Variants in LIFR observed in about 807,000 individuals in gnomAD.
LIFR encodes the protein leukemia inhibitory factor receptor.
In LIFR, 84 loss-of-function variants were observed where a neutral mutation model predicts 122.2. That is an observed-to-expected ratio of 0.69 (90% CI 0.58 to 0.82). The LOEUF is 0.82. Among genes scored for constraint, LIFR ranks in the 40% least tolerant of loss-of-function variants. The pLI is 0.00. For missense variants in LIFR, 1,294 were observed against 1,311.6 expected (o/e 0.99, Z 0.21); for synonymous variants, 422 against 434.7 (o/e 0.97, Z 0.36).
intron 13 of LIFR, among the ~76,000 whole-genome samples, chr5:38,494,208 G>A (rs1296352390): frequency 6.6e-6 from 1 of 152,134 alleles, no homozygotes; most frequent in African/African-American, 2.4e-5. Context: ...AACAAGCGGG[G>A]CCCAGTACAA....
chr5:38,501,530 C>T (rs1745176203), intron 11 of LIFR, among the ~76,000 whole-genome samples: 1 of 152,080 alleles, frequency 6.6e-6, no homozygotes, highest in Non-Finnish European at 1.5e-5. Context: ...AAGGCAGGCA[C>T]ATCACAAGGT....
chr5:38,517,626 G>A (rs963271395), intron 5 of LIFR, among the ~76,000 whole-genome samples: 1 of 151,802 alleles, frequency 6.6e-6, no homozygotes, highest in African/African-American at 2.4e-5. Context: ...GGGAGGCCGA[G>A]GTGGCCAGAT....
Position 38,530,441 on chromosome 5 carries a change from G to T in LIFR, c.142+65C>A, listed in dbSNP as rs147028001. Reference sequence around the variant, plus strand: ...AAGGGGTCAATAAAGCAACAAAATTGCTTCGTCATCAAAATGGAAATAAAA... The same window carrying T: ...AAGGGGTCAATAAAGCAACAAAATTTCTTCGTCATCAAAATGGAAATAAAA... On this transcript the variant is annotated intron_variant, in intron 2 of 19. Transcript: ENST00000453190. The T allele has an allele frequency of 4.1e-4, 587 of 1,423,010 alleles. 5 individuals carry two copies. In the African/African-American group the frequency reaches 7.6e-3, roughly 18 times the overall value. The allele number at this position is 1,423,010 out of a possible 1,614,324, so 88.1% of individuals were successfully genotyped here.
At chr5:38,487,644 T>C (rs773660140) in intron 16 of LIFR, among the ~76,000 whole-genome samples, 1 of 152,244 alleles carries the variant, frequency 6.6e-6, no homozygotes, top group Non-Finnish European at 1.5e-5. Context: ...ATATGGTCTC[T>C]CTCTTTCTTA....
intron 1 of LIFR, among the ~76,000 whole-genome samples, chr5:38,570,355 G>C (rs1190933827): frequency 6.6e-6 from 1 of 152,194 alleles, no homozygotes; most frequent in Admixed American, 6.5e-5. Context: ...TCCCAGAAGA[G>C]AGTGTTGTTC....
chr5:38,531,755 G>T (rs1307406576), intron 1 of LIFR, among the ~76,000 whole-genome samples: 1 of 152,132 alleles, frequency 6.6e-6, no homozygotes, highest in Non-Finnish European at 1.5e-5. Flanking sequence ...CTAAATAACT[G>T]GAGCCCATTG....
chr5:38,532,311 A>G (rs1381045582), intron 1 of LIFR, among the ~76,000 whole-genome samples: 3 of 152,210 alleles, frequency 2.0e-5, no homozygotes, highest in Admixed American at 6.5e-5. Flanking sequence ...TCTTGGCTCC[A>G]TTACTAATTA....
At position 38,496,349 on chromosome 5, in the gene LIFR, GTTC is replaced by G. The variant is rs746959285; in HGVS notation, c.1885+30_1885+32del. On this transcript the variant is annotated intron_variant, in intron 13 of 19. Coordinates refer to ENST00000453190, the MANE Select transcript of LIFR (RefSeq NM_001127671.2). ...CAGACATTTCTCACTTTAGTTTCCC[GTTC>G]TTATATACTAAATCATCTCAAGCAC... 1.3e-5 allele frequency: 20 copies of G among 1,496,208 alleles called. No homozygotes were observed. The East Asian group carries it at 4.3e-4, about 32-fold the overall frequency. The allele number at this position is 1,496,208 out of a possible 1,614,324, so 92.7% of individuals were successfully genotyped here. A position where few individuals can be genotyped will look rare whatever the true frequency, so the allele number is the denominator to read the frequency against.
At chr5:38,606,581 A>C (rs1325600083) in intron 1 of LIFR, among the ~76,000 whole-genome samples, 2 of 152,226 alleles carry the variant, frequency 1.3e-5, no homozygotes, top group Non-Finnish European at 2.9e-5. Context: ...CCTACTGTTT[A>C]AAAATAGTAA....
Position 38,490,181 on chromosome 5 carries a change from T to C in LIFR, c.2167+9A>G. 1 of 1,315,038 alleles carries C rather than the reference T, an allele frequency of 7.6e-7. No individual in the cohort carries two copies. Among genetic ancestry groups the C allele is most frequent in the Non-Finnish European group, 1.1e-6 (1 of 918,264 alleles). The allele number at this position is 1,315,038 out of a possible 1,614,324, so 81.5% of individuals were successfully genotyped here. The stretch of plus-strand genomic sequence containing the variant: ...TGAGCTCTTATAAATAAGTACCCAT[T>C]TAACTTACCCAATTCTTCTATATAT... On this transcript the variant is annotated intron_variant, in intron 15 of 19. Coordinates refer to ENST00000453190, the MANE Select transcript of LIFR (RefSeq NM_001127671.2).
chr5:38,585,024 G>C (rs971520748), intron 1 of LIFR, among the ~76,000 whole-genome samples: 12 of 152,114 alleles, frequency 7.9e-5, no homozygotes, highest in African/African-American at 2.9e-4. Flanking sequence ...AGAAGAAAAT[G>C]CTTTCCAAAG....
At chr5:38,497,817 G>C (rs911032049) in intron 12 of LIFR, among the ~76,000 whole-genome samples, 1 of 151,754 alleles carries the variant, frequency 6.6e-6, no homozygotes, top group African/African-American at 2.4e-5. Context: ...ACATTTTCAT[G>C]GTTTTATGTC....
intron 1 of LIFR, among the ~76,000 whole-genome samples, chr5:38,551,249 A>G (rs1239242220): frequency 6.6e-6 from 1 of 152,210 alleles, no homozygotes; most frequent in Non-Finnish European, 1.5e-5. Context: ...GGCCCGTTGC[A>G]TGGAAACAGT....
In LIFR at chr5:38,478,451, C is replaced by G. The variant is rs1743825542; in HGVS notation, c.*3144G>C. ...GCACATAAACACACAACTCAACTATCCAGATACTCAGGGCCACAATCTCAA... is the reference window on the plus strand; with the variant it reads ...GCACATAAACACACAACTCAACTATGCAGATACTCAGGGCCACAATCTCAA... On this transcript the variant is annotated 3_prime_UTR_variant, in exon 20 of 20. Transcript: ENST00000453190. 9.3e-6 allele frequency: 2 copies of G among 213,974 alleles called. No homozygotes were observed. Among genetic ancestry groups the G allele is most frequent in the Non-Finnish European group, 1.9e-5 (2 of 105,596 alleles). The allele number at this position is 213,974 out of a possible 1,614,324, so 13.3% of individuals were successfully genotyped here. A position where few individuals can be genotyped will look rare whatever the true frequency, so the allele number is the denominator to read the frequency against.
rs573474782 is a variant in LIFR, at chr5:38,570,166, C to A, written c.-20+25095G>T. Among the ~76,000 whole-genome samples, 90 of 151,404 alleles carry A rather than the reference C, an allele frequency of 5.9e-4. 1 individual carries two copies. Among genetic ancestry groups the A allele is most frequent in the African/African-American group, 2.0e-3 (81 of 41,502 alleles). On this transcript the variant is annotated intron_variant, in intron 1 of 19. Coordinates refer to the LIFR transcript ENST00000263409. ...CCGTCTGTAAAATGAAGATAATAAT[C>A]CCACCCAGTTCTTAGGGCTATGGTT...
chr5:38,491,512 G>A (rs141536979), intron 14 of LIFR, among the ~76,000 whole-genome samples: 63 of 152,296 alleles, frequency 4.1e-4, no homozygotes, highest in African/African-American at 1.5e-3. Flanking sequence ...AGTGGTGGTC[G>A]AGAAAGAAGA....
At chr5:38,588,847 A>G (rs896670223) in intron 1 of LIFR, among the ~76,000 whole-genome samples, 2 of 152,182 alleles carry the variant, frequency 1.3e-5, no homozygotes, top group Non-Finnish European at 2.9e-5. Context: ...AGTGTATGAA[A>G]CACTCTGAGC....
In LIFR at chr5:38,510,614, G is replaced by C; in HGVS notation, c.841C>G (p.Leu281Val). The C allele has an allele frequency of 1.2e-6, 2 of 1,614,046 alleles. No homozygotes were observed. The change falls in exon 7 of 20, where the codon CTG (leucine) becomes GTG (valine). Residue 281 changes from leucine (L) to valine (V), a missense_variant. Coordinates refer to ENST00000453190, the MANE Select transcript of LIFR (RefSeq NM_001127671.2). ...AAGGGGCAGTTTGTATGGCCAATCA[G>C]TGCTGATAACACTTTTTCTTGACTC... ...CVSQEKVLSA[L>V]IGHTNCPLIH...
In LIFR at chr5:38,511,375, G is replaced by A. The variant is rs537472812; in HGVS notation, c.736+415C>T. On this transcript the variant is annotated intron_variant, in intron 6 of 19. Transcript: ENST00000453190. ...TGTATATGAGTTTTACTTAATGTAC[G>A]GATGCTTTTTGGTATGCTTGCAGAT... Among the ~76,000 whole-genome samples, 22 of 152,156 alleles carry A rather than the reference G, an allele frequency of 1.4e-4. 1 individual carries two copies. The South Asian group carries it at 3.1e-3, about 22-fold the overall frequency.
Sources: allele counts gnomAD v4.1 joint callset (sites outside exome capture counted in the v4.1 genomes callset), GRCh38; gene constraint gnomAD v4.1.1; transcripts MANE v1.5; gene names NCBI Gene and HGNC (gene_info 2026-07-23, HGNC 2026-07-21).